LVRN: variants seen among roughly 807,000 people sequenced by gnomAD.
LVRN encodes the protein laeverin, also known as aminopeptidase Q.
In LVRN, 99 loss-of-function variants were observed where a neutral mutation model predicts 111.4. The observed-to-expected ratio is 0.89, with a 90% CI of 0.76 to 1.05. The LOEUF is 1.05. Among genes scored for constraint, LVRN ranks in the 50% least tolerant of loss-of-function variants. The probability of loss-of-function intolerance (pLI) is 0.00; values close to 1 mark genes in which losing one functional copy is unlikely to be tolerated. For synonymous variants in LVRN, 488 were observed against 449.5 expected, an observed-to-expected ratio of 1.09 and a Z score of -1.08; for missense variants, 1,414 against 1,206.8, an observed-to-expected ratio of 1.17 and a Z score of -2.54.
At chr5:116,000,747 C>T (rs546347638) in intron 9 of LVRN, 89 bp downstream of exon 9, 310 of 1,363,686 alleles carry the variant, frequency 2.3e-4, no homozygotes, top group Admixed American at 1.7e-3. Context: ...ATGGCAGTTC[C>T]ACAGGAAAAC....
chr5:116,000,944 C>T, intron 9 of LVRN, 123 bp from the exon 10 acceptor site: 2 of 1,099,930 alleles, frequency 1.8e-6, no homozygotes, highest in South Asian at 1.6e-5. Context: ...CAGAGGATCA[C>T]CCACTGCAGG....
At chr5:115,997,589 A>G (rs1263261895) in intron 6 of LVRN, among the ~76,000 whole-genome samples, 14 of 151,904 alleles carry the variant, frequency 9.2e-5, no homozygotes, top group Admixed American at 7.9e-4. Flanking sequence ...GATAGAGCCT[A>G]GGAAATTGAA....
At chr5:116,005,991 G>C (rs1178291614) in intron 13 of LVRN, 24 bp downstream of exon 13, 1 of 1,559,336 alleles carries the variant, frequency 6.4e-7, no homozygotes, top group Admixed American at 1.7e-5. Context: ...CTTCTCTCAT[G>C]GTTTCAGAAT....
chr5:116,003,005 C>T lies in LVRN; in HGVS notation c.1897+94C>T, dbSNP rs1017160100. 3.4e-5 allele frequency: 38 copies of T among 1,115,668 alleles called. No homozygotes were observed. The Middle Eastern group carries it at 2.0e-3, about 60-fold the overall frequency. The allele number at this position is 1,115,668 out of a possible 1,614,324, so 69.1% of individuals were successfully genotyped here. A position where few individuals can be genotyped will look rare whatever the true frequency, so the allele number is the denominator to read the frequency against. ...AAGTCTAGCTTTTGAAAAGCCATTT[C>T]ATTTCAAACTAAAATATCATTCTTG... On this transcript the variant is annotated intron_variant, in intron 11 of 19. Transcript: ENST00000357872.
intron 12 of LVRN, among the ~76,000 whole-genome samples, chr5:116,004,294 A>G (rs752771812): frequency 6.6e-6 from 1 of 152,248 alleles, no homozygotes; most frequent in Non-Finnish European, 1.5e-5. Flanking sequence ...AATCAATCAG[A>G]TTTTAACTGG....
chr5:115,989,899 G>A (rs529932438), intron 4 of LVRN, among the ~76,000 whole-genome samples: 130 of 152,178 alleles, frequency 8.5e-4, no homozygotes, highest in African/African-American at 2.8e-3. Context: ...ACTCTTTGCT[G>A]AGTCACAAAC....
At position 116,022,432 on chromosome 5, in the gene LVRN, G is replaced by T; in HGVS notation, c.2798G>T (p.Gly933Val). ...QSLINLIYTI[G>V]RTVTTDLQIV... is the part of the protein sequence containing the mutation. Reference sequence around the variant, plus strand: ...TTGATTAATCTAATATATACAATAGGGAGAACCGTAACTACAGATTTACAG... The same window carrying T: ...TTGATTAATCTAATATATACAATAGTGAGAACCGTAACTACAGATTTACAG... The change falls in exon 19 of 20, where the codon GGG becomes GTG. Residue 933 changes from glycine to valine, a missense_variant. Physicochemically the swap from Gly to Val is moderately radical, Grantham distance 109 (BLOSUM62 -3). Coordinates refer to ENST00000357872, the MANE Select transcript of LVRN (RefSeq NM_173800.5). The T allele has an allele frequency of 6.4e-7, 1 of 1,562,906 alleles. No individual in the cohort carries two copies. The highest frequency in any genetic ancestry group is 8.7e-7 in the Non-Finnish European group (1 of 1,145,386).
intron 5 of LVRN, among the ~76,000 whole-genome samples, chr5:115,993,090 T>C (rs1432940902): frequency 1.3e-5 from 2 of 152,336 alleles, no homozygotes; most frequent in South Asian, 4.1e-4. Flanking sequence ...ATACAGGCTA[T>C]TAGTAATTAT....
intron 1 of LVRN, among the ~76,000 whole-genome samples, chr5:115,965,575 T>A (rs1029694027): frequency 1.3e-5 from 2 of 152,226 alleles, no homozygotes; most frequent in South Asian, 4.1e-4. Flanking sequence ...TATTGGCACC[T>A]CATATGGTTT....
At position 116,009,144 on chromosome 5, in the gene LVRN, T is replaced by C. The variant is rs553805063; in HGVS notation, c.2094-1597T>C. On this transcript the variant is annotated intron_variant, in intron 13 of 19. Transcript: ENST00000357872. ...TAAATCCTAGGGTCCTTAAACATTA[T>C]GCTAAATCAACTCTGCTTGTGCTCT... is the stretch of plus-strand genomic sequence containing the variant. Among the ~76,000 whole-genome samples, 90 of 152,300 alleles carry C rather than the reference T, an allele frequency of 5.9e-4. 2 individuals carry two copies. The South Asian group carries it at 0.018, about 31-fold the overall frequency.
At position 115,963,200 on chromosome 5, in the gene LVRN, C is replaced by T. The variant is rs1004383573; in HGVS notation, c.583C>T (p.Pro195Ser). 3 of 1,612,794 alleles carry T rather than the reference C, an allele frequency of 1.9e-6. No homozygotes were observed. The African/African-American group carries it at 4.0e-5, about 21-fold the overall frequency. ...ATACATGGTGCTGGAGCTCAGTGAG[C>T]CCCTGAAACCTGGTAGCAGCTACGA... Reference protein sequence around the residue: ...TEYMVLELSEPLKPGSSYELQ... With the variant: ...TEYMVLELSESLKPGSSYELQ... The change falls in exon 1 of 20, where the codon CCC becomes TCC. Residue 195 changes from proline (P) to serine (S), a missense_variant. Pro to Ser is a moderately conservative substitution (Grantham distance 74). Transcript: ENST00000357872.
At chr5:116,014,682 A>G (rs996848863) in intron 16 of LVRN, among the ~76,000 whole-genome samples, 155 bp downstream of exon 16, 16 of 152,256 alleles carry the variant, frequency 1.1e-4, no homozygotes, top group Middle Eastern at 3.4e-3. Flanking sequence ...TTAAAAAACC[A>G]GTGTTTAATG....
chr5:115,975,809 T>A (rs1232716641), intron 1 of LVRN: 1 of 152,754 alleles, frequency 6.5e-6, no homozygotes, highest in East Asian at 1.9e-4. Context: ...GCACTTGGGA[T>A]ATTGAACTTG....
intron 18 of LVRN, among the ~76,000 whole-genome samples, chr5:116,017,855 A>G (rs2112639291): frequency 6.6e-6 from 1 of 152,284 alleles, no homozygotes; most frequent in African/African-American, 2.4e-5. Flanking sequence ...CATTCACTTT[A>G]TTTCTTTTTC....
intron 1 of LVRN, among the ~76,000 whole-genome samples, chr5:115,967,396 C>G (rs1387655866): frequency 1.3e-5 from 2 of 152,232 alleles, no homozygotes; most frequent in East Asian, 3.9e-4. Context: ...AAAGAGTATC[C>G]TCCCACTATT....
chr5:115,991,418 T>C (rs1747985275), intron 4 of LVRN, among the ~76,000 whole-genome samples: 1 of 152,248 alleles, frequency 6.6e-6, no homozygotes, highest in Non-Finnish European at 1.5e-5. Flanking sequence ...TGTATTGATG[T>C]ACTGCAGTTT....
At position 115,997,202 on chromosome 5, in the gene LVRN, T is replaced by C. The variant is rs180788581; in HGVS notation, c.1375-2560T>C. 2.6e-5 allele frequency among the ~76,000 whole-genome samples: 4 copies of C among 152,258 alleles called. No homozygotes were observed. In the East Asian group the frequency reaches 5.8e-4, roughly 22 times the overall value. On this transcript the variant is annotated intron_variant, in intron 6 of 19. Transcript: ENST00000357872. The stretch of plus-strand genomic sequence containing the variant: ...GTTTTACCCATTTTCGGACGGCAAC[T>C]GAGTTTCAGAGAGATAAAGTTGGTG...
intron 6 of LVRN, among the ~76,000 whole-genome samples, chr5:115,994,439 A>G (rs1348781475): frequency 6.6e-6 from 1 of 151,990 alleles, no homozygotes; most frequent in Non-Finnish European, 1.5e-5. Context: ...TGCCTAGATC[A>G]TTTTTGTATT....
intron 1 of LVRN, chr5:115,975,550 A>G (rs1043781355): frequency 1.3e-5 from 2 of 159,614 alleles, no homozygotes; most frequent in African/African-American, 4.8e-5. Flanking sequence ...ATTAAATAGC[A>G]TAATGTTTTT....
Sources: gnomAD v4.1 joint callset for allele counts (sites outside exome capture counted in the v4.1 genomes callset) on GRCh38, gnomAD v4.1.1 for gene constraint, MANE v1.5 for transcripts, NCBI Gene and HGNC (gene_info 2026-07-23, HGNC 2026-07-21) for gene names.